AADAC: variants seen among roughly 807,000 people sequenced by gnomAD.
AADAC encodes arylacetamide deacetylase.
A neutral mutation model predicts 22.7 loss-of-function variants in AADAC; 17 were observed. The ratio of observed to expected loss-of-function variants is 0.75; its 90% confidence interval spans 0.51 to 1.12. The LOEUF (loss-of-function observed/expected upper bound fraction) is 1.12, where lower values mean the gene tolerates loss of function less well. AADAC is among the 50% of genes most tolerant of loss of function. AADAC has a pLI of 0.00. For missense variants in AADAC, 465 were observed against 473.9 expected, an observed-to-expected ratio of 0.98 and a Z score of 0.17; for synonymous variants, 167 against 176.3, an observed-to-expected ratio of 0.95 and a Z score of 0.42.
At chr3:151,826,901 T>C (rs1479376188) in intron 4 of AADAC, among the ~76,000 whole-genome samples, 1 of 151,908 alleles carries the variant, frequency 6.6e-6, no homozygotes, top group African/African-American at 2.4e-5. Context: ...AGCTTATTGA[T>C]ATACTGGTAT....
At chr3:151,824,439 G>A (rs1418992471) in intron 3 of AADAC, among the ~76,000 whole-genome samples, 2 of 151,928 alleles carry the variant, frequency 1.3e-5, no homozygotes, top group Non-Finnish European at 2.9e-5. Context: ...GTAAACAAAA[G>A]GTTTCTGGGA....
intron 4 of AADAC, among the ~76,000 whole-genome samples, chr3:151,825,638 T>C (rs1716457850): frequency 6.6e-6 from 1 of 151,916 alleles, no homozygotes; most frequent in Non-Finnish European, 1.5e-5. Flanking sequence ...CAAAAGATTT[T>C]TGTATGTAGA....
At chr3:151,818,381 T>A (rs2108027648) in intron 2 of AADAC, among the ~76,000 whole-genome samples, 1 of 152,136 alleles carries the variant, frequency 6.6e-6, no homozygotes, top group African/African-American at 2.4e-5. Context: ...TAGGCCAGAA[T>A]GTTAGAAGAA....
In AADAC at chr3:151,821,292, T is replaced by C. The variant is rs953596845; in HGVS notation, c.431+840T>C. 7.2e-5 allele frequency among the ~76,000 whole-genome samples: 11 copies of C among 152,126 alleles called. 2 individuals are homozygous for C. In the South Asian group the frequency reaches 2.3e-3, roughly 32 times the overall value. On this transcript the variant is annotated intron_variant, in intron 3 of 4. Coordinates refer to ENST00000232892, the MANE Select transcript of AADAC (RefSeq NM_001086.3). The stretch of plus-strand genomic sequence containing the variant: ...TTTAGGCTCAACAAGTGTTATACAC[T>C]GCGCTAAGTATATTAAAAATGTATT...
In AADAC at chr3:151,828,360, G is replaced by C; in HGVS notation, c.*188G>C. On this transcript the variant is annotated 3_prime_UTR_variant, in exon 5 of 5. Coordinates refer to ENST00000232892, the MANE Select transcript of AADAC (RefSeq NM_001086.3). ...TTTCAATTTTCTACATTGTCTATCT[G>C]CTTTTTCTGAGATTTTCCTTCTTAC... 1 of 371,124 alleles carries C rather than the reference G, an allele frequency of 2.7e-6. No homozygotes were observed. The highest frequency in any genetic ancestry group is 4.8e-6 in the Non-Finnish European group (1 of 208,684). The allele number at this position is 371,124 out of a possible 1,614,324, so 23.0% of individuals were successfully genotyped here. A position where few individuals can be genotyped will look rare whatever the true frequency, so the allele number is the denominator to read the frequency against.
rs146990427 is a variant in AADAC, at chr3:151,827,818, T to G, written c.846T>G (p.Asn282Lys). ...CAAGTCATCTCTTCAAATTTGTTAA[T>G]TGGAGTTCCCTGCTCCCTGAGAGGT... is the stretch of plus-strand genomic sequence containing the variant. ...VESSHLFKFV[N>K]WSSLLPERFI... The change falls in exon 5 of 5, where the codon AAT becomes AAG. Residue 282 changes from asparagine (N) to lysine (K), a missense_variant. By Grantham distance (94) the Asn-to-Lys change is moderately conservative. Transcript: ENST00000232892. 1.9e-6 allele frequency: 3 copies of G among 1,613,298 alleles called. No homozygotes were observed. The South Asian group carries it at 3.3e-5, about 18-fold the overall frequency.
rs558267319 is a variant in AADAC, at chr3:151,824,908, T to C, written c.603+74T>C. The C allele has an allele frequency of 1.1e-3, 1,348 of 1,183,544 alleles. 11 individuals carry two copies. The highest frequency in any genetic ancestry group is 1.4e-3 in the Non-Finnish European group (1,253 of 896,604). The allele number at this position is 1,183,544 out of a possible 1,614,324, so 73.3% of individuals were successfully genotyped here. On this transcript the variant is annotated intron_variant, in intron 4 of 4. Coordinates refer to ENST00000232892, the MANE Select transcript of AADAC (RefSeq NM_001086.3). ...TTTAAAAACATATTTATAAACATAT[T>C]GAATGCATGTATTAAAATATGAATG...
At position 151,827,592 on chromosome 3, in the gene AADAC, A is replaced by T. The variant is rs748717673; in HGVS notation, c.620A>T (p.Asp207Val). The T allele has an allele frequency of 7.0e-6, 11 of 1,567,568 alleles. No individual in the cohort carries two copies. The East Asian group carries it at 2.5e-4, about 35-fold the overall frequency. The change falls in exon 5 of 5, where the codon GAT becomes GTT. Residue 207 changes from aspartate (D) to valine (V), a missense_variant. Physicochemically the swap from Asp to Val is radical, Grantham distance 152. Transcript: ENST00000232892. The part of the protein sequence containing the change: ...AVTQQLLDDP[D>V]VKIKLKIQSL... ...GCTTCTCAGCTCCTTGATGACCCAGATGTCAAGATCAAACTCAAGATCCAG... is the reference window on the plus strand; with the variant it reads ...GCTTCTCAGCTCCTTGATGACCCAGTTGTCAAGATCAAACTCAAGATCCAG...
At chr3:151,820,503 T>TAAGAGCTGTGCTGTTTGG in intron 3 of AADAC, 51 bp downstream of exon 3, 1 of 1,139,158 alleles carries the variant, frequency 8.8e-7, no homozygotes, top group Non-Finnish European at 1.2e-6. Flanking sequence ...CATGCCAAGA[T>TAAGAGCTGTGCTGTTTGG]TTTCTCAGCT....
At chr3:151,825,777 G>T (rs1267412024) in intron 4 of AADAC, among the ~76,000 whole-genome samples, 1 of 151,940 alleles carries the variant, frequency 6.6e-6, no homozygotes, top group African/African-American at 2.4e-5. Flanking sequence ...GAGAAACACT[G>T]CTATTGATTG....
intron 4 of AADAC, among the ~76,000 whole-genome samples, chr3:151,826,799 A>T (rs1716514861): frequency 6.6e-6 from 1 of 152,000 alleles, no homozygotes; most frequent in African/African-American, 2.4e-5. Flanking sequence ...TTCACACAGA[A>T]GTCTTGCCCA....
At chr3:151,819,939 T>C (rs1289402813) in intron 2 of AADAC, among the ~76,000 whole-genome samples, 2 of 152,042 alleles carry the variant, frequency 1.3e-5, no homozygotes, top group Non-Finnish European at 2.9e-5. Context: ...CATGCAGACT[T>C]AGGTGATCCT....
chr3:151,814,561 T>C (rs948849341), intron 1 of AADAC, among the ~76,000 whole-genome samples: 1 of 152,070 alleles, frequency 6.6e-6, no homozygotes, highest in African/African-American at 2.4e-5. Flanking sequence ...TTTAGGTAGC[T>C]TTAATATCAC....
rs1374460708 is a variant in AADAC at position 151,818,115 on chromosome 3, C to A, written c.361+527C>A. Among the ~76,000 whole-genome samples the A allele has an allele frequency of 3.3e-5, 5 of 151,670 alleles. 1 individual carries two copies. Among genetic ancestry groups the A allele is most frequent in the Admixed American group, 6.6e-5 (1 of 15,194 alleles). Reference sequence around the variant, plus strand: ...AATTAGCCGGGTGTGGTGGCGGGCACACATTATCCCAGCTACTCGGGGGGC... The same window carrying A: ...AATTAGCCGGGTGTGGTGGCGGGCAAACATTATCCCAGCTACTCGGGGGGC... On this transcript the variant is annotated intron_variant, in intron 2 of 4. Coordinates refer to ENST00000232892, the MANE Select transcript of AADAC (RefSeq NM_001086.3).
rs760075146 is a variant in AADAC, at chr3:151,820,442, G to C, written c.421G>C (p.Val141Leu). ...WTADRLDAVV[V>L]STNYRLAPKY... is the part of the protein sequence containing the mutation. ...AGCAGACAGACTTGATGCTGTCGTC[G>C]TATCAACCAAGTAAGAGCTGTGCTG... The change falls in exon 3 of 5, where the codon GTA becomes CTA. Residue 141 changes from valine to leucine, a missense_variant. Physicochemically the swap from Val to Leu is conservative, Grantham distance 32 (BLOSUM62 1). Coordinates refer to ENST00000232892, the MANE Select transcript of AADAC (RefSeq NM_001086.3). 1 of 1,578,452 alleles carries C rather than the reference G, an allele frequency of 6.3e-7. No homozygotes were observed. Among genetic ancestry groups the C allele is most frequent in the Non-Finnish European group, 8.6e-7 (1 of 1,159,608 alleles).
At chr3:151,821,350 A>C (rs1332697322) in intron 3 of AADAC, among the ~76,000 whole-genome samples, 1 of 152,054 alleles carries the variant, frequency 6.6e-6, no homozygotes, top group Non-Finnish European at 1.5e-5. Flanking sequence ...AGTTCATATA[A>C]AATTATGTTA....
At chr3:151,818,990 A>C (rs895355425) in intron 2 of AADAC, among the ~76,000 whole-genome samples, 12 of 151,996 alleles carry the variant, frequency 7.9e-5, no homozygotes, top group Admixed American at 7.2e-4. Context: ...CTACTAAGTT[A>C]AGAACTCTGA....
Position 151,817,464 on chromosome 3 carries a change from C to T in AADAC, c.237C>T (p.Val79=), listed in dbSNP as rs1716040224. 6.2e-7 allele frequency: 1 copy of T among 1,613,708 alleles called. No individual in the cohort carries two copies. The highest frequency in any genetic ancestry group is 1.3e-5 in the African/African-American group (1 of 75,032). The change falls in exon 2 of 5, where the codon GTC becomes GTT. Residue 79 remains valine (V), a synonymous_variant. Coordinates refer to ENST00000232892, the MANE Select transcript of AADAC (RefSeq NM_001086.3). Reference sequence around the variant, plus strand: ...TCCCACCAACCTCAGATGAAAATGTCACTGTGACTGAGACAAAATTCAACA... The same window carrying T: ...TCCCACCAACCTCAGATGAAAATGTTACTGTGACTGAGACAAAATTCAACA... The part of the protein sequence containing the change: ...DEVPPTSDEN[V]TVTETKFNNI...
chr3:151,827,670 A>G lies in AADAC; in HGVS notation c.698A>G (p.Gln233Arg). The G allele has an allele frequency of 5.6e-6, 9 of 1,612,456 alleles. 1 individual carries two copies. The highest frequency in any genetic ancestry group is 7.6e-6 in the Non-Finnish European group (9 of 1,178,864). The change falls in exon 5 of 5, where the codon CAA becomes CGA. Residue 233 changes from glutamine to arginine, a missense_variant. Gln to Arg is a conservative substitution (Grantham distance 43). Transcript: ENST00000232892. The part of the protein sequence containing the change: ...QPLDVDLPSY[Q>R]ENSNFLFLSK... Reference sequence around the variant, plus strand: ...CTTGATGTAGATTTACCGTCATATCAAGAAAATTCAAATTTTCTATTTCTA... The same window carrying G: ...CTTGATGTAGATTTACCGTCATATCGAGAAAATTCAAATTTTCTATTTCTA...
Sources: gnomAD v4.1 joint callset for allele counts (sites outside exome capture counted in the v4.1 genomes callset) on GRCh38, gnomAD v4.1.1 for gene constraint, MANE v1.5 for transcripts, NCBI Gene and HGNC (gene_info 2026-07-23, HGNC 2026-07-21) for gene names.